The following PDXDC1 variants were observed in gnomAD, a reference collection of about 807,000 sequenced individuals.
The protein encoded by PDXDC1 is pyridoxal dependent decarboxylase domain containing 1.
PDXDC1 carries 42 observed loss-of-function variants against 100.1 expected under a neutral mutation model. That is an observed-to-expected ratio of 0.42 (90% CI 0.33 to 0.54). The LOEUF (loss-of-function observed/expected upper bound fraction) is 0.54, where lower values mean the gene tolerates loss of function less well. Among genes scored for constraint, PDXDC1 ranks in the 20% least tolerant of loss-of-function variants. The pLI, the probability that PDXDC1 is intolerant of heterozygous loss-of-function variation, is 0.10. For missense variants in PDXDC1, 636 were observed against 979.2 expected (o/e 0.65, Z 4.68); for synonymous variants, 260 against 371.7 (o/e 0.70, Z 3.46).
At chr16:15,095,082 C>T (rs1355841042) in intron 16 of PDXDC1, among the ~76,000 whole-genome samples, 1 of 152,094 alleles carries the variant, frequency 6.6e-6, no homozygotes, top group Non-Finnish European at 1.5e-5. Flanking sequence ...AGGTCATCCG[C>T]CCGCCTCGGC....
chr16:15,144,155 A>G (rs1388227046), downstream of PDXDC1, among the ~76,000 whole-genome samples: 1 of 152,018 alleles, frequency 6.6e-6, no homozygotes, highest in African/African-American at 2.4e-5. Context: ...CCCTCCCGAG[A>G]GCAGGCCCAG....
intron 1 of PDXDC1, among the ~76,000 whole-genome samples, chr16:14,983,265 G>T (rs954719601): frequency 2.6e-5 from 4 of 152,258 alleles, no homozygotes; most frequent in African/African-American, 7.2e-5. Context: ...TGTTATAGAG[G>T]CTGCTTCTCT....
At chr16:15,102,918 C>G (rs2046612900) in intron 16 of PDXDC1, among the ~76,000 whole-genome samples, 3 of 148,560 alleles carry the variant, frequency 2.0e-5, no homozygotes, top group Non-Finnish European at 3.0e-5. Context: ...GCCTGAGCAA[C>G]AGAGAGATAC....
At chr16:14,987,838 C>G (rs1334844929) in intron 1 of PDXDC1, among the ~76,000 whole-genome samples, 2 of 152,276 alleles carry the variant, frequency 1.3e-5, no homozygotes, top group Non-Finnish European at 2.9e-5. Context: ...TCTCAAGCAC[C>G]TGGCCTCAGG....
chr16:15,117,693 G>A (rs1365959674), intron 16 of PDXDC1, among the ~76,000 whole-genome samples: 2 of 121,236 alleles, frequency 1.6e-5, no homozygotes, highest in African/African-American at 6.5e-5. Context: ...ACTCGTCTTG[G>A]GGGTGAGAAA....
chr16:15,075,250 CAAA>C (rs56913254), intron 16 of PDXDC1, among the ~76,000 whole-genome samples: 6 of 68,038 alleles, frequency 8.8e-5, no homozygotes, highest in Admixed American at 1.7e-4. Flanking sequence ...TGTGCCCCAC[CAAA>C]AAAAAAAAAA....
intron 16 of PDXDC1, chr16:15,104,332 T>C: frequency 6.4e-7 from 1 of 1,566,690 alleles, no homozygotes. Flanking sequence ...TTTTATATTA[T>C]TTATTTATTC....
chr16:15,041,936 T>G (rs1386882297), downstream of PDXDC1, among the ~76,000 whole-genome samples: 1 of 152,224 alleles, frequency 6.6e-6, no homozygotes, highest in East Asian at 1.9e-4. Context: ...CATTTTTCTC[T>G]TCATTCTGAG....
At chr16:15,133,272 G>A (rs1469147593) in intron 16 of PDXDC1, 2 of 1,581,900 alleles carry the variant, frequency 1.3e-6, no homozygotes, top group African/African-American at 1.3e-5. Flanking sequence ...ACCTCGTTCA[G>A]GACGGTGACC....
chr16:15,010,102 A>C (rs527973745), intron 8 of PDXDC1, among the ~76,000 whole-genome samples: 2 of 152,398 alleles, frequency 1.3e-5, no homozygotes, highest in Non-Finnish European at 2.9e-5. Context: ...GCTGGAGTGC[A>C]GTAGCACAAT....
chr16:15,117,434 G>A (rs1188709461), intron 16 of PDXDC1, among the ~76,000 whole-genome samples: 6 of 148,374 alleles, frequency 4.0e-5, no homozygotes, highest in Admixed American at 1.4e-4. Flanking sequence ...CGAGGCAGGC[G>A]GATCACGAGG....
intron 16 of PDXDC1, chr16:15,056,043 G>A: frequency 3.0e-6 from 2 of 665,270 alleles, no homozygotes; most frequent in Non-Finnish European, 3.9e-6. Flanking sequence ...GCCGCCCGCC[G>A]CCCCCGCCCC....
At chr16:15,083,197 G>A (rs184418250) in intron 16 of PDXDC1, among the ~76,000 whole-genome samples, 3 of 152,264 alleles carry the variant, frequency 2.0e-5, no homozygotes, top group Non-Finnish European at 2.9e-5. Context: ...TCAGGCGTTC[G>A]ATACCAGTGT....
At chr16:15,041,995 CTA>C (rs2043837124), downstream of PDXDC1, among the ~76,000 whole-genome samples, 1 of 152,142 alleles carries the variant, frequency 6.6e-6, no homozygotes, top group African/African-American at 2.4e-5. Flanking sequence ...TTTCTCCTAA[CTA>C]AACTGTTTTC....
intron 16 of PDXDC1, chr16:15,072,824 G>C (rs984789515): frequency 8.6e-6 from 8 of 933,676 alleles, no homozygotes; most frequent in Non-Finnish European, 1.3e-5. Flanking sequence ...TTATTAAGCA[G>C]ACTAGCAAGT....
At chr16:15,130,518 G>C in intron 16 of PDXDC1, 1 of 1,332,472 alleles carries the variant, frequency 7.5e-7, no homozygotes, top group South Asian at 1.2e-5. Context: ...CGGAGTCCCA[G>C]AGCCCATACC....
At chr16:15,133,676 G>C in intron 16 of PDXDC1, 1 of 1,586,344 alleles carries the variant, frequency 6.3e-7, no homozygotes, top group Non-Finnish European at 8.6e-7. Flanking sequence ...CACCAGCGGG[G>C]CGCCAGCATC....
intron 10 of PDXDC1, 48 bp from the exon 11 acceptor site, chr16:15,017,273 G>A: frequency 7.5e-6 from 12 of 1,595,188 alleles, no homozygotes; most frequent in Non-Finnish European, 1.0e-5. Flanking sequence ...AGGGTGTTAG[G>A]TTTGTGTATT....
rs1209569064 is a variant in PDXDC1 at position 15,109,656 on chromosome 16, C to CAAAAAAAAAAAA, written c.1400-29188_1400-29177dup. On this transcript the variant is annotated intron_variant, in intron 16 of 16. Transcript: ENST00000535621. ...TGGGTGACAGAGTGAGACTCTGTCT[C>CAAAAAAAAAAAA]AAAAAAAAAAAAAAAAAAAAAAAAA... is the stretch of plus-strand genomic sequence containing the variant. 1.1e-4 allele frequency among the ~76,000 whole-genome samples: 2 copies of CAAAAAAAAAAAA among 18,706 alleles called. 1 individual carries two copies. Among genetic ancestry groups the CAAAAAAAAAAAA allele is most frequent in the African/African-American group, 5.9e-4 (2 of 3,376 alleles). The allele number at this position is 18,706 out of a possible 152,430, so 12.3% of individuals were successfully genotyped here.
Sources: allele counts gnomAD v4.1 joint callset (sites outside exome capture counted in the v4.1 genomes callset), GRCh38; gene constraint gnomAD v4.1.1; transcripts MANE v1.5; gene names NCBI Gene and HGNC (gene_info 2026-07-23, HGNC 2026-07-21).